Variants in CA10 observed in about 807,000 individuals in gnomAD.
CA10 encodes carbonic anhydrase 10 (inactive).
Under a neutral mutation model 44.2 loss-of-function variants are expected in CA10, and 14 were observed. The observed-to-expected ratio is 0.32, with a 90% CI of 0.21 to 0.50. The LOEUF (loss-of-function observed/expected upper bound fraction) is 0.50. CA10 is among the 20% of genes least tolerant of loss of function. The pLI is 0.99. For synonymous variants in CA10, 159 were observed against 141.6 expected (o/e 1.12, Z -0.87); for missense variants, 350 against 409.7 (o/e 0.85, Z 1.26).
At chr17:51,632,562 G>T (rs985354129) in intron 8 of CA10, among the ~76,000 whole-genome samples, 4 of 152,134 alleles carry the variant, frequency 2.6e-5, no homozygotes, top group Non-Finnish European at 5.9e-5. Context: ...GCTACAAAGG[G>T]CTTCCCTATC....
chr17:51,634,332 G>T (rs1221821466), intron 7 of CA10, among the ~76,000 whole-genome samples: 1 of 152,198 alleles, frequency 6.6e-6, no homozygotes, highest in Non-Finnish European at 1.5e-5. Context: ...CTTAAGTGGG[G>T]AGTTACTGTT....
chr17:51,943,004 G>A (rs752507196), intron 2 of CA10, among the ~76,000 whole-genome samples: 11 of 152,216 alleles, frequency 7.2e-5, no homozygotes, highest in East Asian at 5.8e-4. Flanking sequence ...TTTCTCTCCC[G>A]TCCTTGTCAT....
intron 1 of CA10, among the ~76,000 whole-genome samples, chr17:52,141,428 G>A (rs924591249): frequency 3.3e-5 from 5 of 152,124 alleles, no homozygotes; most frequent in Non-Finnish European, 5.9e-5. Context: ...CCTTACTGAA[G>A]AAAAAATCAT....
At chr17:51,871,394 A>ATT (rs11438821) in intron 3 of CA10, among the ~76,000 whole-genome samples, 13,328 of 81,280 alleles carry the variant, frequency 0.16, 1,711 homozygotes, top group East Asian at 0.28. Flanking sequence ...ACCAGGCCTA[A>ATT]TTTTTTTTTT....
At chr17:52,002,765 A>T (rs1338556854) in intron 2 of CA10, among the ~76,000 whole-genome samples, 1 of 151,940 alleles carries the variant, frequency 6.6e-6, no homozygotes, top group East Asian at 2.0e-4. Flanking sequence ...CTCCGTAGAC[A>T]TTTCCACATT....
At chr17:52,056,219 G>C (rs1054468711) in intron 2 of CA10, among the ~76,000 whole-genome samples, 3 of 152,038 alleles carry the variant, frequency 2.0e-5, no homozygotes, top group Non-Finnish European at 2.9e-5. Flanking sequence ...GAGACTCACT[G>C]GTGATTGGTG....
chr17:51,858,310 T>C (rs1979143705), intron 3 of CA10, among the ~76,000 whole-genome samples: 1 of 152,150 alleles, frequency 6.6e-6, no homozygotes, highest in Non-Finnish European at 1.5e-5. Flanking sequence ...CATTTTATAC[T>C]GAGAAGGCAT....
intron 2 of CA10, among the ~76,000 whole-genome samples, chr17:52,002,027 T>G (rs1985442713): frequency 6.6e-6 from 1 of 151,824 alleles, no homozygotes; most frequent in Admixed American, 6.6e-5. Context: ...TGATAGCCAC[T>G]CTGAGATTTA....
intron 4 of CA10, among the ~76,000 whole-genome samples, chr17:51,679,249 A>ACT (rs34540972): frequency 0.61 from 89,999 of 147,506 alleles, 27,893 homozygotes; most frequent in Admixed American, 0.71. Flanking sequence ...AGGGTCTGAG[A>ACT]CTGTTTTTCT....
intron 1 of CA10, among the ~76,000 whole-genome samples, chr17:52,129,284 GCTT>G (rs547453524): frequency 7.2e-5 from 11 of 152,100 alleles, no homozygotes; most frequent in Non-Finnish European, 1.5e-4. Flanking sequence ...TAAGCAAAAA[GCTT>G]CTTGTAGCAG....
At chr17:52,141,883 G>T (rs1236577508) in intron 1 of CA10, among the ~76,000 whole-genome samples, 2 of 152,168 alleles carry the variant, frequency 1.3e-5, no homozygotes, top group Non-Finnish European at 2.9e-5. Flanking sequence ...GTAGGATGGG[G>T]ATACCCTAGA....
chr17:52,099,579 G>C (rs2970016), intron 1 of CA10, among the ~76,000 whole-genome samples: 53,080 of 152,040 alleles, frequency 0.35, 11,095 homozygotes, highest in Non-Finnish European at 0.48. Context: ...TTGGATCATG[G>C]TAAGTTTCAG....
chr17:51,796,299 G>C (rs999422890), intron 3 of CA10, among the ~76,000 whole-genome samples: 1 of 151,924 alleles, frequency 6.6e-6, no homozygotes, highest in Admixed American at 6.6e-5. Flanking sequence ...TAATGAGAAA[G>C]CCTGACCTAG....
intron 3 of CA10, among the ~76,000 whole-genome samples, chr17:51,756,953 C>G (rs1003144546): frequency 2.6e-5 from 4 of 152,140 alleles, no homozygotes; most frequent in African/African-American, 9.7e-5. Context: ...GTCATACCTG[C>G]CTCTCCTAGT....
intron 3 of CA10, among the ~76,000 whole-genome samples, chr17:51,813,858 T>C (rs539310596): frequency 6.6e-6 from 1 of 152,320 alleles, no homozygotes; most frequent in South Asian, 2.1e-4. Flanking sequence ...TCAAGTCAAA[T>C]GCAGAGGGCT....
At chr17:51,821,403 C>T (rs1907791118) in intron 3 of CA10, among the ~76,000 whole-genome samples, 1 of 151,924 alleles carries the variant, frequency 6.6e-6, no homozygotes, top group South Asian at 2.1e-4. Context: ...TCTCTTATAT[C>T]TTGCAGTCCA....
At chr17:52,106,123 G>A (rs755686818) in intron 1 of CA10, among the ~76,000 whole-genome samples, 5 of 152,204 alleles carry the variant, frequency 3.3e-5, no homozygotes, top group East Asian at 1.9e-4. Flanking sequence ...GGGCTGGCCC[G>A]CATCACGGGT....
chr17:51,880,233 C>T (rs1331281952), intron 3 of CA10, among the ~76,000 whole-genome samples: 1 of 152,160 alleles, frequency 6.6e-6, no homozygotes, highest in African/African-American at 2.4e-5. Flanking sequence ...CCTGACCAAC[C>T]CTGGTATGTC....
chr17:51,869,822 T>C (rs902050736), intron 3 of CA10, among the ~76,000 whole-genome samples: 3 of 152,168 alleles, frequency 2.0e-5, no homozygotes, highest in Non-Finnish European at 4.4e-5. Flanking sequence ...AATGTCTGAA[T>C]GTCAATTTTT....
Sources: allele counts gnomAD v4.1 joint callset (sites outside exome capture counted in the v4.1 genomes callset), GRCh38; gene constraint gnomAD v4.1.1; transcripts MANE v1.5; gene names NCBI Gene and HGNC (gene_info 2026-07-23, HGNC 2026-07-21).